Variants in CHD9 observed in about 807,000 individuals in gnomAD.
CHD9 encodes the protein ATP-dependent chromatin remodeler CHD9.
Under a neutral mutation model 316.1 loss-of-function variants are expected in CHD9, and 77 were observed. The observed-to-expected ratio is 0.24, with a 90% CI of 0.20 to 0.29. The LOEUF (loss-of-function observed/expected upper bound fraction) is 0.29. Among genes scored for constraint, CHD9 ranks in the 10% least tolerant of loss-of-function variants. The pLI is 1.00. For missense variants in CHD9, 2,763 were observed against 3,438.1 expected, an observed-to-expected ratio of 0.80 and a Z score of 4.91; for synonymous variants, 1,129 against 1,158.3, an observed-to-expected ratio of 0.97 and a Z score of 0.51.
chr16:53,200,604 G>A (rs1567466358), intron 2 of CHD9, among the ~76,000 whole-genome samples: 1 of 152,070 alleles, frequency 6.6e-6, no homozygotes, highest in Non-Finnish European at 1.5e-5. Context: ...AAGGAATTAT[G>A]GAAATAGAAA....
chr16:53,211,126 A>C lies in CHD9; in HGVS notation c.1784+1313A>C, dbSNP rs527576436. 9.2e-5 allele frequency among the ~76,000 whole-genome samples: 14 copies of C among 152,214 alleles called. 1 individual carries two copies. The highest frequency in any genetic ancestry group is 3.4e-4 in the African/African-American group (14 of 41,550). ...AGAGATCTAGACAGAGTAGAATACT[A>C]TTTGGAAGAGTAACGTTTTGAAAAA... On this transcript the variant is annotated intron_variant, in intron 3 of 38. Coordinates refer to ENST00000447540, the MANE Select transcript of CHD9 (RefSeq NM_001308319.2).
chr16:53,308,712 G>T lies in CHD9; in HGVS notation c.7080G>T (p.Gln2360His), dbSNP rs1281727172. The change falls in exon 34 of 39, where the codon CAG becomes CAT. Residue 2360 changes from glutamine (Q) to histidine (H), a missense_variant. Physicochemically the swap from Gln to His is conservative, Grantham distance 24 (BLOSUM62 0). Around this residue, in one of 15 missense-constraint regions of CHD9, gnomAD observed 663 missense variants for 751.2 expected, o/e 0.88. Coordinates refer to ENST00000447540, the MANE Select transcript of CHD9 (RefSeq NM_001308319.2). ...AAGGTGGTTTGAAGTTGACATTTCA[G>T]AAGCAAGGGCTTGCTCAGAAAAGAC... is the stretch of plus-strand genomic sequence containing the variant. The part of the protein sequence containing the change: ...KDEGGLKLTF[Q>H]KQGLAQKRPF... 2 of 1,612,762 alleles carry T rather than the reference G, an allele frequency of 1.2e-6. No individual in the cohort carries two copies. The highest frequency in any genetic ancestry group is 1.7e-6 in the Non-Finnish European group (2 of 1,179,376).
At chr16:53,200,390 A>AC (rs1555507095) in intron 2 of CHD9, among the ~76,000 whole-genome samples, 3,853 of 143,400 alleles carry the variant, frequency 0.027, 210 homozygotes, top group African/African-American at 0.096. Flanking sequence ...AAAAAAAAAA[A>AC]CCACAAAAAT....
At chr16:53,211,318 AAC>A (rs764309056) in intron 3 of CHD9, among the ~76,000 whole-genome samples, 8 of 152,312 alleles carry the variant, frequency 5.3e-5, no homozygotes, top group South Asian at 2.1e-4. Flanking sequence ...TTAAATTAGA[AAC>A]ACAGATTTTT....
chr16:53,205,652 T>C (rs2045841180), intron 2 of CHD9, among the ~76,000 whole-genome samples: 2 of 152,214 alleles, frequency 1.3e-5, no homozygotes, highest in Admixed American at 6.5e-5. Flanking sequence ...TTTATTAAGG[T>C]TTATTAAACA....
At chr16:53,299,299 G>C (rs766594049) in intron 30 of CHD9, 6 of 155,162 alleles carry the variant, frequency 3.9e-5, no homozygotes, top group Non-Finnish European at 7.2e-5. Flanking sequence ...TGATGAGATA[G>C]AAAGTCTCAC....
intron 19 of CHD9, among the ~76,000 whole-genome samples, chr16:53,259,950 A>C (rs188177183): frequency 5.9e-5 from 9 of 152,330 alleles, no homozygotes; most frequent in Admixed American, 3.9e-4. Context: ...AGTAAACTTC[A>C]CTATTCCTGA....
intron 2 of CHD9, among the ~76,000 whole-genome samples, chr16:53,200,009 G>A (rs2045306934): frequency 6.6e-6 from 1 of 152,004 alleles, no homozygotes; most frequent in African/African-American, 2.4e-5. Flanking sequence ...GCCGAGGCGG[G>A]TGGGTCACCT....
chr16:53,078,245 G>A (rs2034720794), intron 1 of CHD9, among the ~76,000 whole-genome samples: 1 of 152,166 alleles, frequency 6.6e-6, no homozygotes. Context: ...AATTGCCATT[G>A]TGACAGTATT....
At chr16:53,298,786 T>TA (rs1307910291) in intron 30 of CHD9, 2 of 154,772 alleles carry the variant, frequency 1.3e-5, no homozygotes, top group Non-Finnish European at 2.9e-5. Context: ...AATTAAAAGT[T>TA]AAAGACCCCA....
chr16:53,121,431 A>G (rs1403917206), intron 1 of CHD9: 2 of 456,096 alleles, frequency 4.4e-6, no homozygotes, highest in Admixed American at 4.7e-5. Flanking sequence ...TTTTAAGATT[A>G]GGACAAGCAG....
At chr16:53,297,229 AT>A in intron 30 of CHD9, 71 bp downstream of exon 30, 1 of 1,135,254 alleles carries the variant, frequency 8.8e-7, no homozygotes, top group Admixed American at 1.9e-5. Flanking sequence ...GAAATTTCCA[AT>A]TTGTCTCTTT....
At chr16:53,128,525 A>G (rs2039076689) in intron 1 of CHD9, among the ~76,000 whole-genome samples, 1 of 152,144 alleles carries the variant, frequency 6.6e-6, no homozygotes, top group South Asian at 2.1e-4. Flanking sequence ...TGAGGGACCT[A>G]GAGAGTGTGG....
At chr16:53,288,489 A>T (rs1567626836) in intron 27 of CHD9, among the ~76,000 whole-genome samples, 2 of 152,220 alleles carry the variant, frequency 1.3e-5, no homozygotes, top group Admixed American at 1.3e-4. Flanking sequence ...AGTACAGAAA[A>T]TAATCTGTAG....
chr16:53,246,134 T>G (rs1248814301), intron 15 of CHD9, among the ~76,000 whole-genome samples: 2 of 152,228 alleles, frequency 1.3e-5, no homozygotes, highest in Non-Finnish European at 2.9e-5. Flanking sequence ...AGCCCATTTT[T>G]GGGGCTTCTG....
intron 29 of CHD9, among the ~76,000 whole-genome samples, chr16:53,294,123 C>A (rs149405512): frequency 3.3e-4 from 50 of 152,244 alleles, no homozygotes; most frequent in African/African-American, 1.2e-3. Context: ...GGGAACAAAT[C>A]GCAAGCGACC....
In CHD9 at chr16:53,235,314, G is replaced by A. The variant is rs1306666883; in HGVS notation, c.2633+8G>A. 1 of 1,511,436 alleles carries A rather than the reference G, an allele frequency of 6.6e-7. No homozygotes were observed. Among genetic ancestry groups the A allele is most frequent in the Admixed American group, 2.3e-5 (1 of 43,214 alleles). The allele number at this position is 1,511,436 out of a possible 1,614,324, so 93.6% of individuals were successfully genotyped here. A position where few individuals can be genotyped will look rare whatever the true frequency, so the allele number is the denominator to read the frequency against. ...GTTCAATTGGTACAATAGGTATGTA[G>A]TATATCTTAATAAAAAAAATTTATT... On this transcript the variant is annotated splice_region_variant and intron_variant, in intron 11 of 38. Coordinates refer to ENST00000447540, the MANE Select transcript of CHD9 (RefSeq NM_001308319.2).
intron 1 of CHD9, among the ~76,000 whole-genome samples, chr16:53,060,870 A>G (rs1310292438): frequency 6.6e-6 from 1 of 150,498 alleles, no homozygotes; most frequent in African/African-American, 2.5e-5. Context: ...ATAGTGAGCC[A>G]TGATTGCACC....
chr16:53,321,099 A>G (rs1042627836), intron 37 of CHD9: 3 of 547,486 alleles, frequency 5.5e-6, no homozygotes, highest in African/African-American at 3.9e-5. Context: ...AGGTACTTGA[A>G]TTGTCTCATT....
Sources: allele counts gnomAD v4.1 joint callset (sites outside exome capture counted in the v4.1 genomes callset), GRCh38; gene constraint gnomAD v4.1.1; regional missense constraint gnomAD v4.1.1; transcripts MANE v1.5; gene names NCBI Gene and HGNC (gene_info 2026-07-23, HGNC 2026-07-21).